Variants in XYLT1 observed in about 807,000 individuals in gnomAD.
The protein encoded by XYLT1 is xylosyltransferase 1.
Under a neutral mutation model 91.3 loss-of-function variants are expected in XYLT1, and 36 were observed. The observed-to-expected ratio is 0.39, with a 90% CI of 0.30 to 0.52. The LOEUF is 0.52. Ranked by LOEUF, XYLT1 falls within the 20% of genes least tolerant of loss-of-function variation. XYLT1 has a pLI of 0.68. For missense variants in XYLT1, 1,242 were observed against 1,284.5 expected, an observed-to-expected ratio of 0.97 and a Z score of 0.51; for synonymous variants, 588 against 532.0, an observed-to-expected ratio of 1.11 and a Z score of -1.45.
chr16:17,365,042 A>AG (rs1309025385), intron 1 of XYLT1, among the ~76,000 whole-genome samples: 1 of 152,202 alleles, frequency 6.6e-6, no homozygotes, highest in African/African-American at 2.4e-5. Flanking sequence ...TCTGATCCCC[A>AG]GCCAGCCATC....
chr16:17,300,127 G>C (rs1390611312), intron 2 of XYLT1, among the ~76,000 whole-genome samples: 3 of 152,194 alleles, frequency 2.0e-5, no homozygotes, highest in Non-Finnish European at 4.4e-5. Context: ...GGGGTCAAAA[G>C]AGTGGCTTAG....
At chr16:17,265,950 T>C (rs755749579) in intron 2 of XYLT1, among the ~76,000 whole-genome samples, 13 of 152,210 alleles carry the variant, frequency 8.5e-5, no homozygotes, top group Non-Finnish European at 1.9e-4. Flanking sequence ...ATCTGTAAAA[T>C]GATGTGTCCC....
At chr16:17,453,518 A>C (rs1220369865) in intron 1 of XYLT1, among the ~76,000 whole-genome samples, 1 of 152,178 alleles carries the variant, frequency 6.6e-6, no homozygotes, top group Non-Finnish European at 1.5e-5. Context: ...GCATTCAGAA[A>C]CTGACACAGG....
chr16:17,296,740 C>T (rs1007768942), intron 2 of XYLT1, among the ~76,000 whole-genome samples: 2 of 152,204 alleles, frequency 1.3e-5, no homozygotes, highest in African/African-American at 4.8e-5. Context: ...TCTGGCTTTT[C>T]TCCATCAGCT....
At chr16:17,134,789 G>T in intron 8 of XYLT1, 54 bp from the exon 9 acceptor site, 1 of 1,596,644 alleles carries the variant, frequency 6.3e-7, no homozygotes, top group Non-Finnish European at 8.5e-7. Flanking sequence ...GCTGGGGGTT[G>T]GGGGGAACCT....
At chr16:17,343,595 C>T (rs1023254308) in intron 2 of XYLT1, among the ~76,000 whole-genome samples, 1 of 152,176 alleles carries the variant, frequency 6.6e-6, no homozygotes, top group African/African-American at 2.4e-5. Flanking sequence ...CTCAGCCTCC[C>T]GAGTAGCTGG....
chr16:17,306,996 G>A (rs1047368528), intron 2 of XYLT1, among the ~76,000 whole-genome samples: 1 of 151,912 alleles, frequency 6.6e-6, no homozygotes, highest in Non-Finnish European at 1.5e-5. Flanking sequence ...ACGTACTGGC[G>A]GTTACTCACT....
intron 10 of XYLT1, among the ~76,000 whole-genome samples, chr16:17,118,567 C>A (rs2029937844): frequency 6.6e-6 from 1 of 152,132 alleles, no homozygotes; most frequent in African/African-American, 2.4e-5. Context: ...TAGATCTGGA[C>A]TGTAAGCATG....
chr16:17,322,241 A>G (rs1348707600), intron 2 of XYLT1, among the ~76,000 whole-genome samples: 1 of 152,198 alleles, frequency 6.6e-6, no homozygotes, highest in Non-Finnish European at 1.5e-5. Flanking sequence ...CTATTCTGTT[A>G]AACTTCAAAG....
chr16:17,347,129 C>T (rs957700838), intron 2 of XYLT1, among the ~76,000 whole-genome samples: 2 of 152,126 alleles, frequency 1.3e-5, no homozygotes, highest in African/African-American at 2.4e-5. Context: ...CCAGAGGTGG[C>T]GGCATTTCTA....
At chr16:17,140,244 G>GACTT (rs1439364797) in intron 7 of XYLT1, among the ~76,000 whole-genome samples, 1 of 152,196 alleles carries the variant, frequency 6.6e-6, no homozygotes, top group Admixed American at 6.5e-5. Flanking sequence ...AATGGAGTAT[G>GACTT]ACTTATGAAA....
At chr16:17,270,325 A>G (rs2033870636) in intron 2 of XYLT1, among the ~76,000 whole-genome samples, 1 of 152,240 alleles carries the variant, frequency 6.6e-6, no homozygotes, top group Admixed American at 6.5e-5. Flanking sequence ...GTAAAAACCA[A>G]AGAGCCCAGC....
intron 1 of XYLT1, among the ~76,000 whole-genome samples, chr16:17,408,328 T>C (rs1240229028): frequency 6.6e-6 from 1 of 152,204 alleles, no homozygotes; most frequent in Non-Finnish European, 1.5e-5. Context: ...TCTCATGAAA[T>C]CTAAGAGGCA....
At chr16:17,115,396 A>G (rs1966849926) in intron 11 of XYLT1, among the ~76,000 whole-genome samples, 1 of 150,468 alleles carries the variant, frequency 6.6e-6, no homozygotes, top group African/African-American at 2.4e-5. Context: ...AGGTGAGAGA[A>G]TTACTTGAGC....
chr16:17,270,917 G>A (rs2033878588), intron 2 of XYLT1, among the ~76,000 whole-genome samples: 1 of 152,102 alleles, frequency 6.6e-6, no homozygotes, highest in Admixed American at 6.6e-5. Flanking sequence ...CCTTCAAATG[G>A]GGCCAGTGAG....
In XYLT1 at chr16:17,124,807, G is replaced by T. The variant is rs202193842; in HGVS notation, c.2223+2859C>A. 5.5e-3 allele frequency among the ~76,000 whole-genome samples: 842 copies of T among 152,000 alleles called. 37 individuals are homozygous for T. In the East Asian group the frequency reaches 0.074, roughly 13 times the overall value. On this transcript the variant is annotated intron_variant, in intron 10 of 11. Transcript: ENST00000261381. The stretch of plus-strand genomic sequence containing the variant: ...GTTCATTTTTTAAAAATTCTTTTTT[G>T]TGTTTGTTGGAGTGAGTTAATTTGA...
intron 6 of XYLT1, among the ~76,000 whole-genome samples, chr16:17,154,795 A>C (rs894549010): frequency 1.3e-5 from 2 of 152,200 alleles, no homozygotes; most frequent in African/African-American, 4.8e-5. Context: ...CAGAAGTCCA[A>C]ATTGGCTGCT....
At chr16:17,332,707 T>C (rs1187880920) in intron 2 of XYLT1, among the ~76,000 whole-genome samples, 1 of 152,028 alleles carries the variant, frequency 6.6e-6, no homozygotes, top group Non-Finnish European at 1.5e-5. Flanking sequence ...TCCCCACAGG[T>C]GGACACTGGT....
rs534623333 is a variant in XYLT1 at position 17,457,150 on chromosome 16, T to G, written c.363+13284A>C. Among the ~76,000 whole-genome samples the G allele has an allele frequency of 7.3e-4, 111 of 152,328 alleles. 1 individual carries two copies. The highest frequency in any genetic ancestry group is 2.6e-3 in the African/African-American group (107 of 41,564). The stretch of plus-strand genomic sequence containing the variant: ...TAGGCACTCTAAATTTGATTTGGAT[T>G]GGAAATCATTGATTTTGGCTACTAA... On this transcript the variant is annotated intron_variant, in intron 1 of 11. Transcript: ENST00000261381.
Sources: allele counts gnomAD v4.1 joint callset (sites outside exome capture counted in the v4.1 genomes callset), GRCh38; gene constraint gnomAD v4.1.1; transcripts MANE v1.5; gene names NCBI Gene and HGNC (gene_info 2026-07-23, HGNC 2026-07-21).